The following ZDHHC5 variants were observed in gnomAD, a reference collection of about 807,000 sequenced individuals.
ZDHHC5 encodes the protein palmitoyltransferase ZDHHC5.
Under a neutral mutation model 70.0 loss-of-function variants are expected in ZDHHC5, and 22 were observed. That is an observed-to-expected ratio of 0.31 (90% CI 0.22 to 0.45). ZDHHC5 has a LOEUF of 0.45. ZDHHC5 is among the 20% of genes least tolerant of loss of function. The probability of loss-of-function intolerance (pLI) is 1.00; values close to 1 mark genes in which losing one functional copy is unlikely to be tolerated. For missense variants in ZDHHC5, 746 were observed against 926.9 expected (o/e 0.80, Z 2.53); for synonymous variants, 313 against 347.8 (o/e 0.90, Z 1.11).
chr11:57,689,356 C>T (rs1357264818), intron 4 of ZDHHC5, among the ~76,000 whole-genome samples: 1 of 151,642 alleles, frequency 6.6e-6, no homozygotes, highest in Admixed American at 6.6e-5. Flanking sequence ...GAGAGCCGGC[C>T]TTGGTCTTTT....
intron 9 of ZDHHC5, 99 bp downstream of exon 9, chr11:57,696,142 CTCG>C (rs1426682258): frequency 1.3e-6 from 2 of 1,482,476 alleles, no homozygotes; most frequent in African/African-American, 2.8e-5. Context: ...GGAGATATTA[CTCG>C]TGTTGTGACT....
In ZDHHC5 at chr11:57,696,785, G is replaced by GC. The variant is rs750782730; in HGVS notation, c.1040dup (p.Thr348AspfsTer13). 1 of 1,613,932 alleles carries GC rather than the reference G, an allele frequency of 6.2e-7. No individual in the cohort carries two copies. Among genetic ancestry groups the GC allele is most frequent in the Non-Finnish European group, 8.5e-7 (1 of 1,179,828 alleles). On this transcript the variant is annotated frameshift_variant, in exon 10 of 12. Transcript: ENST00000287169. LOFTEE classifies it high-confidence loss of function. Reference sequence around the variant, plus strand: ...GATAGTAGCTTATTGGCCAAGGACAGCCCCCCGACACCTACCATGTACAAG... The same window carrying GC: ...GATAGTAGCTTATTGGCCAAGGACAGCCCCCCCGACACCTACCATGTACAAG...
intron 2 of ZDHHC5, among the ~76,000 whole-genome samples, chr11:57,678,707 GTC>G (rs1203963477): frequency 6.6e-6 from 1 of 151,896 alleles, no homozygotes; most frequent in East Asian, 1.9e-4. Flanking sequence ...AGTGAGACCT[GTC>G]TCTACAAAAA....
intron 6 of ZDHHC5, among the ~76,000 whole-genome samples, chr11:57,691,965 A>T (rs934670356): frequency 2.6e-5 from 4 of 152,104 alleles, no homozygotes; most frequent in Admixed American, 2.6e-4. Context: ...TTTTGTGCAT[A>T]TAATAGTAGC....
chr11:57,698,618 C>T lies in ZDHHC5; in HGVS notation c.1182C>T (p.Pro394=). 6.2e-7 allele frequency: 1 copy of T among 1,614,046 alleles called. No individual in the cohort carries two copies. The highest frequency in any genetic ancestry group is 8.5e-7 in the Non-Finnish European group (1 of 1,179,958). Residue 394 remains proline, a synonymous_variant, in exon 11 of 12, where the codon CCC becomes CCT. Coordinates refer to ENST00000287169, the MANE Select transcript of ZDHHC5 (RefSeq NM_015457.3). ...PTSIAESSRH[P]SYRSEPSLEP... The stretch of plus-strand genomic sequence containing the variant: ...CAATTGCAGAGAGCAGCCGTCACCC[C>T]AGCTACCGCTCAGAGCCCAGCTTGG...
intron 3 of ZDHHC5, among the ~76,000 whole-genome samples, chr11:57,682,786 A>G (rs1017482712): frequency 2.0e-5 from 3 of 152,208 alleles, no homozygotes; most frequent in African/African-American, 7.2e-5. Flanking sequence ...TTCTAGTCCT[A>G]TGATTCACTT....
chr11:57,694,394 C>T (rs1432500107), intron 8 of ZDHHC5, among the ~76,000 whole-genome samples: 1 of 150,718 alleles, frequency 6.6e-6, no homozygotes, highest in Non-Finnish European at 1.5e-5. Context: ...GGGAGTCTTG[C>T]TCTGTTACCT....
rs559999698 is a variant in ZDHHC5 at position 57,684,064 on chromosome 11, C to A, written c.226+1521C>A. ...ACGGCTCACTGCAGCCTTGACCCCC[C>A]CCTGGCTCAGGTGATCTCCCACCTC... On this transcript the variant is annotated intron_variant, in intron 3 of 11. Coordinates refer to ENST00000287169, the MANE Select transcript of ZDHHC5 (RefSeq NM_015457.3). Among the ~76,000 whole-genome samples the A allele has an allele frequency of 1.2e-4, 16 of 136,250 alleles. No homozygotes were observed. The East Asian group carries it at 3.2e-3, about 27-fold the overall frequency. The allele number at this position is 136,250 out of a possible 152,430, so 89.4% of individuals were successfully genotyped here.
chr11:57,680,656 G>A (rs1026834539), intron 2 of ZDHHC5, among the ~76,000 whole-genome samples: 3 of 152,118 alleles, frequency 2.0e-5, no homozygotes, highest in Admixed American at 2.0e-4. Flanking sequence ...TTCCCCAGGC[G>A]GAAATTGAAG....
rs141172250 is a variant in ZDHHC5 at position 57,699,327 on chromosome 11, C to G, written c.1891C>G (p.Leu631Val). The change falls in exon 11 of 12, where the codon CTG becomes GTG. Residue 631 changes from leucine to valine, a missense_variant. Physicochemically the swap from Leu to Val is conservative, Grantham distance 32. Transcript: ENST00000287169. ...SPEPGPTAPY[L>V]GRSMSYSSQK... ...TGAACCAGGCCCAACAGCCCCATAC[C>G]TGGGCCGATCGATGTCTTACAGCAG... is the stretch of plus-strand genomic sequence containing the variant. The G allele has an allele frequency of 4.3e-6, 7 of 1,613,266 alleles. No individual in the cohort carries two copies. The highest frequency in any genetic ancestry group is 5.9e-6 in the Non-Finnish European group (7 of 1,179,416).
intron 1 of ZDHHC5, among the ~76,000 whole-genome samples, chr11:57,669,231 CCTCCATTACTGTG>C (rs1945969183): frequency 6.6e-6 from 1 of 152,158 alleles, no homozygotes; most frequent in African/African-American, 2.4e-5. Flanking sequence ...TTCCATGGTA[CCTCCATTACTGTG>C]CATTTAGATT....
intron 7 of ZDHHC5, 130 bp from the exon 8 acceptor site, chr11:57,693,653 A>C: frequency 7.4e-7 from 1 of 1,353,986 alleles, no homozygotes; most frequent in Non-Finnish European, 9.7e-7. Flanking sequence ...TAAGTAAGTG[A>C]TGGCCAAAAC....
intron 2 of ZDHHC5, among the ~76,000 whole-genome samples, chr11:57,677,174 G>A (rs1332396485): frequency 6.7e-6 from 1 of 150,316 alleles, no homozygotes; most frequent in African/African-American, 2.4e-5. Flanking sequence ...GCCCGCCTCA[G>A]CCTCCCAAAG....
At chr11:57,670,309 T>TA (rs1222647693) in intron 1 of ZDHHC5, among the ~76,000 whole-genome samples, 1 of 151,846 alleles carries the variant, frequency 6.6e-6, no homozygotes, top group African/African-American at 2.4e-5. Flanking sequence ...CCATCTCTAC[T>TA]AAAAATACAA....
chr11:57,674,854 T>C (rs1460359618), intron 2 of ZDHHC5, among the ~76,000 whole-genome samples: 2 of 152,212 alleles, frequency 1.3e-5, no homozygotes, highest in African/African-American at 2.4e-5. Flanking sequence ...AGAGAAGTTG[T>C]AGATTTTTTG....
chr11:57,689,227 A>G (rs748030757), intron 4 of ZDHHC5, among the ~76,000 whole-genome samples: 33 of 152,130 alleles, frequency 2.2e-4, no homozygotes, highest in Admixed American at 2.1e-3. Flanking sequence ...TCACTTAGCT[A>G]TAAGCAGTTA....
chr11:57,685,678 C>T (rs1443553133), intron 3 of ZDHHC5, among the ~76,000 whole-genome samples: 3 of 151,978 alleles, frequency 2.0e-5, no homozygotes, highest in Non-Finnish European at 4.4e-5. Flanking sequence ...ATAAAAAGGT[C>T]ATTCCTTTCA....
At chr11:57,688,412 C>T (rs2135394357) in intron 3 of ZDHHC5, 96 bp from the exon 4 acceptor site, 3 of 1,351,188 alleles carry the variant, frequency 2.2e-6, no homozygotes, top group Non-Finnish European at 2.9e-6. Flanking sequence ...CTGTGAATTC[C>T]TCAAAGGCAG....
At position 57,688,610 on chromosome 11, in the gene ZDHHC5, G is replaced by A. The variant is rs772358812; in HGVS notation, c.329G>A (p.Arg110His). The A allele has an allele frequency of 4.3e-6, 7 of 1,609,392 alleles. No homozygotes were observed. The highest frequency in any genetic ancestry group is 1.1e-5 in the South Asian group (1 of 89,930). ...QVRMKWCATC[R>H]FYRPPRCSHC... Reference sequence around the variant, plus strand: ...CGCATGAAATGGTGTGCCACCTGCCGCTTTTACCGTCCCCCTCGATGTTCC... The same window carrying A: ...CGCATGAAATGGTGTGCCACCTGCCACTTTTACCGTCCCCCTCGATGTTCC... The change falls in exon 4 of 12, where the codon CGC (arginine) becomes CAC (histidine). Residue 110 changes from arginine (R) to histidine (H), a missense_variant. This residue lies in a region of ZDHHC5 where 18 missense variants were observed against 66.8 expected (regional missense o/e 0.27). Coordinates refer to ENST00000287169, the MANE Select transcript of ZDHHC5 (RefSeq NM_015457.3).
Sources: gnomAD v4.1 joint callset for allele counts (sites outside exome capture counted in the v4.1 genomes callset) on GRCh38, gnomAD v4.1.1 for gene constraint, gnomAD v4.1.1 regional missense constraint, MANE v1.5 for transcripts, NCBI Gene and HGNC (gene_info 2026-07-23, HGNC 2026-07-21) for gene names.